RAB7A: variants seen among roughly 807,000 people sequenced by gnomAD.
RAB7A encodes ras-related protein Rab-7a.
In RAB7A, 2 loss-of-function variants were observed where a neutral mutation model predicts 24.5. The ratio of observed to expected loss-of-function variants is 0.08; its 90% CI spans 0.03 to 0.26. The LOEUF (loss-of-function observed/expected upper bound fraction) is 0.26, where lower values mean the gene tolerates loss of function less well. Among genes scored for constraint, RAB7A ranks in the 10% least tolerant of loss-of-function variants. The pLI, the probability that RAB7A is intolerant of heterozygous loss-of-function variation, is 1.00. For synonymous variants in RAB7A, 100 were observed against 95.9 expected (o/e 1.04, Z -0.25); for missense variants, 118 against 255.7 (o/e 0.46, Z 3.67).
intron 1 of RAB7A, among the ~76,000 whole-genome samples, chr3:128,773,952 T>C (rs62272588): frequency 3.6e-4 from 54 of 150,908 alleles, no homozygotes; most frequent in African/African-American, 1.2e-3. Flanking sequence ...GCGGAAGGCC[T>C]CAGGGTCCTC....
At chr3:128,797,858 G>C in intron 2 of RAB7A, 85 bp from the exon 3 acceptor site, 1 of 1,520,274 alleles carries the variant, frequency 6.6e-7, no homozygotes, top group South Asian at 1.1e-5. Flanking sequence ...AGGTCAGGCA[G>C]ATTCTTTTAA....
chr3:128,811,476 T>A (rs1933927330), intron 5 of RAB7A, among the ~76,000 whole-genome samples: 1 of 152,228 alleles, frequency 6.6e-6, no homozygotes, highest in African/African-American at 2.4e-5. Flanking sequence ...AGGAATGAAG[T>A]AGTGACACAT....
At chr3:128,764,073 G>A (rs940171748) in intron 1 of RAB7A, among the ~76,000 whole-genome samples, 1 of 152,102 alleles carries the variant, frequency 6.6e-6, no homozygotes. Context: ...GGACTACAGA[G>A]GTCAAAAGGG....
intron 1 of RAB7A, among the ~76,000 whole-genome samples, chr3:128,793,466 A>G (rs543511897): frequency 6.6e-6 from 1 of 152,104 alleles, no homozygotes; most frequent in East Asian, 1.9e-4. Context: ...TTCTATTTTT[A>G]GTAGAGACGG....
At chr3:128,807,761 C>G in intron 5 of RAB7A, 90 bp downstream of exon 5, 1 of 1,565,786 alleles carries the variant, frequency 6.4e-7, no homozygotes, top group Non-Finnish European at 8.8e-7. Flanking sequence ...ATCTTCTTCC[C>G]TAACCCACTC....
At chr3:128,810,999 A>T (rs1051455266) in intron 5 of RAB7A, among the ~76,000 whole-genome samples, 17 of 152,022 alleles carry the variant, frequency 1.1e-4, no homozygotes, top group African/African-American at 3.6e-4. Context: ...GGTTGCAGTG[A>T]GCCGAGATTG....
chr3:128,801,840 A>G (rs1381695937), intron 3 of RAB7A, among the ~76,000 whole-genome samples: 1 of 152,162 alleles, frequency 6.6e-6, no homozygotes, highest in Non-Finnish European at 1.5e-5. Context: ...AAGGATAAAT[A>G]AAAAGAATTC....
intron 4 of RAB7A, among the ~76,000 whole-genome samples, 180 bp downstream of exon 4, chr3:128,806,770 T>C (rs1271840864): frequency 6.6e-6 from 1 of 152,232 alleles, no homozygotes; most frequent in East Asian, 1.9e-4. Context: ...TGACCTGGGT[T>C]AAGTCCCCAT....
chr3:128,764,483 T>C (rs2070807839), intron 1 of RAB7A: 1 of 781,050 alleles, frequency 1.3e-6, no homozygotes, highest in Admixed American at 1.7e-5. Flanking sequence ...TCATTATCAC[T>C]GTCTCCCAGG....
chr3:128,774,871 C>G (rs115394279), intron 1 of RAB7A, among the ~76,000 whole-genome samples: 6,304 of 152,294 alleles, frequency 0.041, 178 homozygotes, highest in Non-Finnish European at 0.058. Flanking sequence ...CGCACCTGGC[C>G]TTGGGTTCAA....
chr3:128,780,044 A>C (rs1399260104), intron 1 of RAB7A, among the ~76,000 whole-genome samples: 1 of 152,210 alleles, frequency 6.6e-6, no homozygotes. Flanking sequence ...CTGTATTCTC[A>C]TGCTGATCAT....
At position 128,807,774 on chromosome 3, in the gene RAB7A, T is replaced by C. The variant is rs1000321672; in HGVS notation, c.528+103T>C. On this transcript the variant is annotated intron_variant, in intron 5 of 5. Coordinates refer to ENST00000265062, the MANE Select transcript of RAB7A (RefSeq NM_004637.6). ...TAATCTTCTTCCCTAACCCACTCTT[T>C]TCTGTATAGCCAGAATACCCTATGT... 2.6e-6 allele frequency: 4 copies of C among 1,525,660 alleles called. No individual in the cohort carries two copies. In the African/African-American group the frequency reaches 4.1e-5, roughly 16 times the overall value. 94.5% of individuals were successfully genotyped at this position (1,525,660 alleles called of 1,614,324 possible). A position where few individuals can be genotyped will look rare whatever the true frequency, so the allele number is the denominator to read the frequency against.
At chr3:128,726,407 C>G (rs1457647039) in intron 1 of RAB7A, 48 bp downstream of exon 1, 2 of 152,418 alleles carry the variant, frequency 1.3e-5, no homozygotes, top group Non-Finnish European at 2.9e-5. Flanking sequence ...CATCCCCCCC[C>G]TCAGCCCCTC....
chr3:128,759,713 C>CT (rs1031670228), intron 1 of RAB7A, among the ~76,000 whole-genome samples: 163 of 147,924 alleles, frequency 1.1e-3, no homozygotes, highest in African/African-American at 3.3e-3. Flanking sequence ...ATGATGGTGA[C>CT]TTTTTTTTTT....
At chr3:128,795,837 C>T (rs994655034) in intron 2 of RAB7A, among the ~76,000 whole-genome samples, 4 of 143,036 alleles carry the variant, frequency 2.8e-5, no homozygotes, top group South Asian at 4.6e-4. Flanking sequence ...CTGCAAGCTC[C>T]GCCTCCCGGA....
intron 1 of RAB7A, among the ~76,000 whole-genome samples, chr3:128,756,842 AT>A (rs1298315544): frequency 4.1e-5 from 6 of 147,216 alleles, no homozygotes; most frequent in Non-Finnish European, 7.5e-5. Flanking sequence ...AGTATTCGCT[AT>A]CTTTTTTTTT....
Position 128,781,545 on chromosome 3 carries a change from G to T in RAB7A, c.-8-13815G>T, listed in dbSNP as rs191225632. ...AAAAAGAAAAGCTGGGCATGGTGGCGTGTGCCTGTAGTCCCATCTGTTCAA... is the reference window on the plus strand; with the variant it reads ...AAAAAGAAAAGCTGGGCATGGTGGCTTGTGCCTGTAGTCCCATCTGTTCAA... On this transcript the variant is annotated intron_variant, in intron 1 of 5. Transcript: ENST00000265062. 4.0e-4 allele frequency among the ~76,000 whole-genome samples: 61 copies of T among 152,050 alleles called. 1 individual carries two copies. The highest frequency in any genetic ancestry group is 7.8e-4 in the Non-Finnish European group (53 of 68,012).
chr3:128,771,305 C>T (rs1306663282), intron 1 of RAB7A, among the ~76,000 whole-genome samples: 1 of 152,172 alleles, frequency 6.6e-6, no homozygotes, highest in Non-Finnish European at 1.5e-5. Flanking sequence ...TAGAAAATTT[C>T]CTCAGTTTGG....
intron 1 of RAB7A, among the ~76,000 whole-genome samples, chr3:128,759,231 A>C (rs149911046): frequency 5.3e-5 from 8 of 152,260 alleles, no homozygotes; most frequent in South Asian, 2.1e-4. Context: ...AAGAGGAATA[A>C]GATTAAGTAA....
Sources: gnomAD v4.1 joint callset for allele counts (sites outside exome capture counted in the v4.1 genomes callset) on GRCh38, gnomAD v4.1.1 for gene constraint, MANE v1.5 for transcripts, NCBI Gene and HGNC (gene_info 2026-07-23, HGNC 2026-07-21) for gene names.